The following WNT9B variants were observed in gnomAD, a reference collection of about 807,000 sequenced individuals.
The protein encoded by WNT9B is protein Wnt-9b.
Under a neutral mutation model 30.2 loss-of-function variants are expected in WNT9B, and 12 were observed. That is an observed-to-expected ratio of 0.40 (90% CI 0.26 to 0.64). The LOEUF (loss-of-function observed/expected upper bound fraction) is 0.64. Among genes scored for constraint, WNT9B ranks in the 30% least tolerant of loss-of-function variants. WNT9B has a pLI of 0.42. For synonymous variants in WNT9B, 218 were observed against 216.9 expected (o/e 1.01, Z -0.05); for missense variants, 442 against 485.2 (o/e 0.91, Z 0.84).
At chr17:46,839,941 T>TTTC (rs1555693215) in intron 1 of WNT9B, among the ~76,000 whole-genome samples, 13 of 149,270 alleles carry the variant, frequency 8.7e-5, no homozygotes, top group Non-Finnish European at 1.5e-4. Flanking sequence ...TCTTTCTTTC[T>TTTC]TTCTTTCTTT....
chr17:46,838,278 C>T (rs367676475), intron 1 of WNT9B, among the ~76,000 whole-genome samples: 18 of 151,234 alleles, frequency 1.2e-4, no homozygotes, highest in Admixed American at 6.6e-4. Context: ...TGAGGAACAG[C>T]CGAGTGGGTC....
At position 46,876,456 on chromosome 17, in the gene WNT9B, C is replaced by G. The variant is rs1233061377; in HGVS notation, c.812C>G (p.Thr271Ser). The change falls in exon 4 of 4, where the codon ACC becomes AGC. Residue 271 changes from threonine to serine, a missense_variant. Coordinates refer to ENST00000290015, the MANE Select transcript of WNT9B (RefSeq NM_003396.3). ...LWAPARQGSL[T>S]KGLAPRSGDL... ...GCCCCTGCCAGGCAGGGCAGCCTCA[C>G]CAAAGGCCTGGCCCCAAGGTCTGGG... 6.2e-7 allele frequency: 1 copy of G among 1,613,712 alleles called. No homozygotes were observed. Among genetic ancestry groups the G allele is most frequent in the Non-Finnish European group, 8.5e-7 (1 of 1,180,028 alleles).
At chr17:46,875,027 G>A in intron 2 of WNT9B, 74 bp from the exon 3 acceptor site, 2 of 1,612,276 alleles carry the variant, frequency 1.2e-6, no homozygotes, top group Non-Finnish European at 1.7e-6. Flanking sequence ...GAGGGCGGCA[G>A]GCAACCTCTA....
chr17:46,862,975 G>A (rs2085066646), intron 1 of WNT9B, among the ~76,000 whole-genome samples: 1 of 152,244 alleles, frequency 6.6e-6, no homozygotes, highest in African/African-American at 2.4e-5. Context: ...ATCTTCCCCA[G>A]GAACTGAGGT....
intron 2 of WNT9B, among the ~76,000 whole-genome samples, chr17:46,874,409 C>T (rs2085307970): frequency 6.6e-6 from 1 of 152,144 alleles, no homozygotes; most frequent in South Asian, 2.1e-4. Flanking sequence ...GTCAAAATGG[C>T]AGGTTTAGCC....
chr17:46,837,839 C>T (rs1018128677), intron 1 of WNT9B, among the ~76,000 whole-genome samples: 1 of 152,180 alleles, frequency 6.6e-6, no homozygotes, highest in South Asian at 2.1e-4. Flanking sequence ...GGTTACACCA[C>T]ATATGAGGAC....
chr17:46,877,340 G>A lies in WNT9B; in HGVS notation c.*622G>A, dbSNP rs548352756. Among the ~76,000 whole-genome samples, 3 of 152,292 alleles carry A rather than the reference G, an allele frequency of 2.0e-5. No individual in the cohort carries two copies. The highest frequency in any genetic ancestry group is 1.9e-4 in the East Asian group (1 of 5,184). ...GAGCTTTCTGTGCTTGAGTGGACCC[G>A]AGTGAGATCTGTGCCCTGGAGCCCT... On this transcript the variant is annotated 3_prime_UTR_variant, in exon 4 of 4. Transcript: ENST00000290015.
chr17:46,854,654 T>A (rs1050369994), intron 1 of WNT9B, among the ~76,000 whole-genome samples: 1 of 152,130 alleles, frequency 6.6e-6, no homozygotes, highest in African/African-American at 2.4e-5. Flanking sequence ...AGTATTGCAG[T>A]TTACAAATCT....
chr17:46,845,265 C>T lies in WNT9B; in HGVS notation c.95+11825C>T, dbSNP rs551118492. ...AGTGCTTTGCCCATAGGGGACTTCA[C>T]GGTGGTTGAAGACAGAATGCCCTGC... On this transcript the variant is annotated intron_variant, in intron 1 of 2. Coordinates refer to the WNT9B transcript ENST00000575372. Among the ~76,000 whole-genome samples, 525 of 152,212 alleles carry T rather than the reference C, an allele frequency of 3.4e-3. 4 individuals carry two copies. Among genetic ancestry groups the T allele is most frequent in the Middle Eastern group, 0.027 (8 of 294 alleles).
intron 1 of WNT9B, among the ~76,000 whole-genome samples, chr17:46,836,247 G>T (rs1045847198): frequency 2.6e-5 from 4 of 152,038 alleles, no homozygotes; most frequent in Admixed American, 2.0e-4. Flanking sequence ...AGAGTGCGGA[G>T]GAAGTGATAT....
rs2085346375 is a variant in WNT9B at position 46,876,414 on chromosome 17, G to A, written c.770G>A (p.Gly257Asp). The A allele has an allele frequency of 6.2e-7, 1 of 1,613,684 alleles. No homozygotes were observed. Among genetic ancestry groups the A allele is most frequent in the Admixed American group, 1.7e-5 (1 of 60,012 alleles). ...TCCAGTGCCACCAATGAGGCCTTGG[G>A]CCGCCTAGAGCTGTGGGCCCCTGCC... ...KVSSATNEAL[G>D]RLELWAPARQ... Residue 257 changes from glycine (G) to aspartate (D), a missense_variant, in exon 4 of 4, where the codon GGC becomes GAC. Physicochemically the swap from Gly to Asp is moderately conservative, Grantham distance 94. Coordinates refer to ENST00000290015, the MANE Select transcript of WNT9B (RefSeq NM_003396.3).
upstream of WNT9B, among the ~76,000 whole-genome samples, chr17:46,847,967 A>AGTGTGTGTGTGT (rs57125736): frequency 4.3e-3 from 640 of 149,696 alleles, 8 homozygotes; most frequent in African/African-American, 0.013. Flanking sequence ...TGATTTCCAA[A>AGTGTGTGTGTGT]GTGTGTGTGT....
In WNT9B at chr17:46,863,137, C is replaced by T. The variant is rs564263459; in HGVS notation, c.78-9380C>T. ...GGGAGGGCGTGGCACAGGCAGCCTC[C>T]TCCAGAGCCACGCCCTCCCAAAGCC... On this transcript the variant is annotated intron_variant, in intron 1 of 3. Coordinates refer to ENST00000290015, the MANE Select transcript of WNT9B (RefSeq NM_003396.3). Among the ~76,000 whole-genome samples the T allele has an allele frequency of 8.0e-4, 121 of 152,186 alleles. 1 individual carries two copies. Among genetic ancestry groups the T allele is most frequent in the Non-Finnish European group, 1.5e-3 (101 of 68,034 alleles).
At chr17:46,881,586 T>C (rs2085423446), downstream of WNT9B, among the ~76,000 whole-genome samples, 1 of 152,142 alleles carries the variant, frequency 6.6e-6, no homozygotes, top group African/African-American at 2.4e-5. Flanking sequence ...CCTCACCTCC[T>C]CCTGCCCTCA....
At chr17:46,865,021 T>C (rs184094441) in intron 1 of WNT9B, among the ~76,000 whole-genome samples, 151 of 152,296 alleles carry the variant, frequency 9.9e-4, no homozygotes, top group Non-Finnish European at 4.0e-4. Flanking sequence ...AGTCACAGAC[T>C]CATAGAGGTG....
intron 1 of WNT9B, among the ~76,000 whole-genome samples, chr17:46,842,855 G>T: frequency 6.6e-6 from 1 of 152,200 alleles, no homozygotes; most frequent in East Asian, 1.9e-4. Flanking sequence ...ACTGGAAGAT[G>T]TCCACATTCA....
At chr17:46,851,297 C>G (rs998503645), upstream of WNT9B, among the ~76,000 whole-genome samples, 2 of 151,988 alleles carry the variant, frequency 1.3e-5, no homozygotes, top group African/African-American at 4.8e-5. The surrounding 1 kb of genome is among the most constrained non-coding windows in gnomAD (Gnocchi z 4.3). Flanking sequence ...TACCCTCCTC[C>G]CCGCCTCTCC....
At chr17:46,874,867 T>C in intron 2 of WNT9B, 1 of 661,310 alleles carries the variant, frequency 1.5e-6, no homozygotes. Flanking sequence ...CACGAGCCAC[T>C]GTGCCCAGCC....
chr17:46,835,056 G>A lies in WNT9B; in HGVS notation c.95+1616G>A, dbSNP rs1163257409. ...GTTGTCCAGGCTGCAGCGCAGTAGT[G>A]CGATCAGTGCTCACTGTAGCCTCCA... On this transcript the variant is annotated intron_variant, in intron 1 of 2. Transcript: ENST00000575372. Among the ~76,000 whole-genome samples, 3 of 152,108 alleles carry A rather than the reference G, an allele frequency of 2.0e-5. No individual in the cohort carries two copies. The East Asian group carries it at 5.8e-4, about 29-fold the overall frequency.
Sources: allele counts gnomAD v4.1 joint callset (sites outside exome capture counted in the v4.1 genomes callset), GRCh38; gene constraint gnomAD v4.1.1; non-coding constraint Gnocchi (gnomAD v3.1); transcripts MANE v1.5; gene names NCBI Gene and HGNC (gene_info 2026-07-23, HGNC 2026-07-21).